The following CERKL variants were observed in gnomAD, a reference collection of about 807,000 sequenced individuals.
CERKL encodes the protein ceramide kinase-like protein.
Under a neutral mutation model 63.4 loss-of-function variants are expected in CERKL, and 61 were observed. The observed-to-expected ratio is 0.96, with a 90% CI of 0.78 to 1.19. CERKL has a LOEUF of 1.19. CERKL is among the 50% of genes most tolerant of loss of function. The pLI, the probability that CERKL is intolerant of heterozygous loss-of-function variation, is 0.00. For synonymous variants in CERKL, 250 were observed against 230.5 expected, an observed-to-expected ratio of 1.08 and a Z score of -0.77; for missense variants, 675 against 655.5, an observed-to-expected ratio of 1.03 and a Z score of -0.33.
chr2:181,636,717 C>G (rs576444968), intron 1 of CERKL, among the ~76,000 whole-genome samples: 2 of 152,236 alleles, frequency 1.3e-5, no homozygotes, highest in African/African-American at 4.8e-5. Context: ...GCTCCTTTGT[C>G]TGTCTTGCTA....
At chr2:181,654,777 T>C (rs997558754) in intron 1 of CERKL, among the ~76,000 whole-genome samples, 3 of 152,204 alleles carry the variant, frequency 2.0e-5, no homozygotes, top group East Asian at 3.8e-4. Flanking sequence ...CCAGTGTTTG[T>C]TTTTGTTTGT....
intron 5 of CERKL, among the ~76,000 whole-genome samples, chr2:181,557,630 G>A (rs764700827): frequency 2.0e-5 from 3 of 152,052 alleles, no homozygotes; most frequent in East Asian, 3.9e-4. Flanking sequence ...ATTCCACACG[G>A]TGAGGCAAAA....
chr2:181,605,390 CA>C (rs1216462893), intron 1 of CERKL, among the ~76,000 whole-genome samples: 2 of 152,148 alleles, frequency 1.3e-5, no homozygotes, highest in Non-Finnish European at 2.9e-5. Flanking sequence ...AGCAGATGTA[CA>C]AAGCCAGATA....
intron 1 of CERKL, among the ~76,000 whole-genome samples, chr2:181,653,768 G>A (rs778536120): frequency 7.1e-4 from 108 of 152,190 alleles, no homozygotes; most frequent in Non-Finnish European, 1.3e-3. Flanking sequence ...GAGAAGGAAG[G>A]ATGGAGAGAG....
intron 2 of CERKL, among the ~76,000 whole-genome samples, chr2:181,596,762 TG>T (rs1367208302): frequency 6.6e-6 from 1 of 152,336 alleles, no homozygotes; most frequent in East Asian, 1.9e-4. Context: ...AGATCTTGGC[TG>T]TCCATGGTAC....
At chr2:181,579,948 A>G (rs1684428660) in intron 2 of CERKL, among the ~76,000 whole-genome samples, 1 of 151,870 alleles carries the variant, frequency 6.6e-6, no homozygotes, top group Non-Finnish European at 1.5e-5. Context: ...ATCTATTCAT[A>G]TGTCAGTACC....
intron 1 of CERKL, among the ~76,000 whole-genome samples, chr2:181,628,350 T>A (rs1686802188): frequency 6.6e-6 from 1 of 152,144 alleles, no homozygotes; most frequent in Non-Finnish European, 1.5e-5. Flanking sequence ...AGAAAGAGGG[T>A]GTTTTAAAAT....
intron 1 of CERKL, among the ~76,000 whole-genome samples, chr2:181,647,989 T>G (rs558169039): frequency 6.6e-6 from 1 of 151,976 alleles, no homozygotes; most frequent in Non-Finnish European, 1.5e-5. Flanking sequence ...GAAGAAAGAA[T>G]TTCAAAATCT....
Position 181,558,654 on chromosome 2 carries a change from A to T in CERKL, c.732T>A (p.Leu244=), listed in dbSNP as rs1385839477. 1 of 1,613,716 alleles carries T rather than the reference A, an allele frequency of 6.2e-7. No homozygotes were observed. The highest frequency in any genetic ancestry group is 1.1e-5 in the South Asian group (1 of 91,074). The change falls in exon 5 of 13, where the codon CTT becomes CTA. Residue 244 remains leucine, a synonymous_variant. Transcript: ENST00000410087. This position sits in a 1 kb window ranked among gnomAD's most constrained non-coding sequence, Gnocchi z 4.2. ...GSASEVAHAL[L]LRAQKNAGME... ...TCCCAGCATTCTTCTGAGCTCTCAGAAGCAAAGCATGGGCTACTTCGCTAG... is the reference window on the plus strand; with the variant it reads ...TCCCAGCATTCTTCTGAGCTCTCAGTAGCAAAGCATGGGCTACTTCGCTAG...
At chr2:181,586,228 G>C (rs1035757396) in intron 2 of CERKL, among the ~76,000 whole-genome samples, 6 of 151,920 alleles carry the variant, frequency 3.9e-5, no homozygotes, top group South Asian at 2.1e-4. Context: ...TAACCCTCTT[G>C]ACTAAACAAT....
At chr2:181,590,227 T>C (rs1000290889) in intron 2 of CERKL, among the ~76,000 whole-genome samples, 2 of 152,148 alleles carry the variant, frequency 1.3e-5, no homozygotes, top group African/African-American at 2.4e-5. Flanking sequence ...AACCTCCACC[T>C]GCTGGGTTCA....
chr2:181,605,135 G>A (rs1475822081), intron 1 of CERKL, among the ~76,000 whole-genome samples: 1 of 152,224 alleles, frequency 6.6e-6, no homozygotes, highest in Non-Finnish European at 1.5e-5. Flanking sequence ...AGCCGAAGAG[G>A]AGGAAAACAA....
intron 1 of CERKL, among the ~76,000 whole-genome samples, chr2:181,618,155 T>G (rs1007018822): frequency 1.3e-5 from 2 of 152,166 alleles, no homozygotes; most frequent in Non-Finnish European, 2.9e-5. Context: ...AATTATTTAA[T>G]GGGTGCAACG....
At position 181,566,039 on chromosome 2, in the gene CERKL, G is replaced by A. The variant is rs778643398; in HGVS notation, c.677+19C>T. 4.7e-6 allele frequency: 7 copies of A among 1,500,342 alleles called. No homozygotes were observed. In the Admixed American group the frequency reaches 1.0e-4, roughly 22 times the overall value. The allele number at this position is 1,500,342 out of a possible 1,614,324, so 92.9% of individuals were successfully genotyped here. ...ATACATAAATGATATAACATATATT[G>A]ATTAATAATATAACCTACCCATCAA... On this transcript the variant is annotated intron_variant, in intron 4 of 12. Coordinates refer to ENST00000410087, the MANE Select transcript of CERKL (RefSeq NM_201548.5).
intron 1 of CERKL, among the ~76,000 whole-genome samples, chr2:181,635,117 G>A (rs114534862): frequency 6.6e-6 from 1 of 152,098 alleles, no homozygotes; most frequent in Non-Finnish European, 1.5e-5. Context: ...AGAAGAACTG[G>A]ATGTAAGATG....
chr2:181,547,506 C>T (rs1687777338), intron 10 of CERKL, 112 bp downstream of exon 10: 2 of 800,136 alleles, frequency 2.5e-6, no homozygotes, highest in Admixed American at 4.0e-5. Flanking sequence ...CTCTAATATA[C>T]AAAGATAAAC....
intron 1 of CERKL, among the ~76,000 whole-genome samples, chr2:181,634,477 G>A (rs551790975): frequency 6.6e-6 from 1 of 152,178 alleles, no homozygotes; most frequent in East Asian, 1.9e-4. Flanking sequence ...ATGACCAGTG[G>A]TCTCATTAAG....
In CERKL at chr2:181,537,017, T is replaced by C. The variant is rs1341919627; in HGVS notation, c.*1167A>G. On this transcript the variant is annotated 3_prime_UTR_variant, in exon 13 of 13. Coordinates refer to ENST00000410087, the MANE Select transcript of CERKL (RefSeq NM_201548.5). ...ACAGGCCTGCAGTGATGGTGAGGAA[T>C]GTTCTGAGATTTGCGAAGGCATTTG... The C allele has an allele frequency of 2.2e-6, 1 of 446,576 alleles. No homozygotes were observed. Among genetic ancestry groups the C allele is most frequent in the East Asian group, 7.0e-5 (1 of 14,334 alleles). The allele number at this position is 446,576 out of a possible 1,614,324, so 27.7% of individuals were successfully genotyped here.
intron 1 of CERKL, among the ~76,000 whole-genome samples, chr2:181,621,540 G>A (rs1686448440): frequency 6.6e-6 from 1 of 152,118 alleles, no homozygotes; most frequent in Admixed American, 6.5e-5. Context: ...CTACATAGAT[G>A]GTAATTATAC....
Sources: allele counts gnomAD v4.1 joint callset (sites outside exome capture counted in the v4.1 genomes callset), GRCh38; gene constraint gnomAD v4.1.1; non-coding constraint Gnocchi (gnomAD v3.1); transcripts MANE v1.5; gene names NCBI Gene and HGNC (gene_info 2026-07-23, HGNC 2026-07-21).